The following KLHL22 variants were observed in gnomAD, a reference collection of about 807,000 sequenced individuals.
The protein encoded by KLHL22 is kelch like family member 22, also known as kelch-like protein 22.
Under a neutral mutation model 60.7 loss-of-function variants are expected in KLHL22, and 18 were observed. That is an observed-to-expected ratio of 0.30 (90% CI 0.20 to 0.44). The LOEUF is 0.44. Ranked by LOEUF, KLHL22 falls within the 20% of genes least tolerant of loss-of-function variation. The probability of loss-of-function intolerance (pLI) is 1.00; values close to 1 mark genes in which losing one functional copy is unlikely to be tolerated. For synonymous variants in KLHL22, 355 were observed against 354.5 expected (o/e 1.00, Z -0.01); for missense variants, 596 against 852.3 (o/e 0.70, Z 3.74).
intron 2 of KLHL22, 98 bp from the exon 3 acceptor site, chr22:20,471,613 T>C: frequency 7.6e-7 from 1 of 1,324,494 alleles, no homozygotes; most frequent in Non-Finnish European, 1.1e-6. Flanking sequence ...CTGGCGCTGG[T>C]GGCAGGGCCC....
chr22:20,479,373 T>TA (rs926955588), intron 2 of KLHL22, among the ~76,000 whole-genome samples: 2 of 152,080 alleles, frequency 1.3e-5, no homozygotes, highest in African/African-American at 4.8e-5. Context: ...ATGACCACTA[T>TA]AAAAAAACAA....
chr22:20,451,505 G>A (rs182558975), intron 5 of KLHL22: 132 of 1,597,966 alleles, frequency 8.3e-5, no homozygotes, highest in Middle Eastern at 1.9e-4. Flanking sequence ...GCCACCAAGC[G>A]TTCTGGTGCA....
intron 1 of KLHL22, among the ~76,000 whole-genome samples, chr22:20,494,162 G>GGATCACCT (rs1333775785): frequency 6.6e-6 from 1 of 151,954 alleles, no homozygotes; most frequent in Non-Finnish European, 1.5e-5. Context: ...CCAGGTAGGT[G>GGATCACCT]GAGTTCAAGA....
At chr22:20,472,554 C>T (rs927478066) in intron 2 of KLHL22, among the ~76,000 whole-genome samples, 13 of 152,092 alleles carry the variant, frequency 8.5e-5, no homozygotes, top group Non-Finnish European at 1.3e-4. Flanking sequence ...GGTGAAACCC[C>T]GTCTCTACTA....
intron 2 of KLHL22, among the ~76,000 whole-genome samples, chr22:20,478,501 CTTAA>C (rs1015177669): frequency 1.6e-5 from 2 of 125,948 alleles, no homozygotes; most frequent in Non-Finnish European, 3.3e-5. Context: ...CCGCCCCAAA[CTTAA>C]TTCTTTTTTT....
chr22:20,446,259 G>T (rs2052857735), intron 6 of KLHL22, among the ~76,000 whole-genome samples, 184 bp downstream of exon 6: 1 of 152,286 alleles, frequency 6.6e-6, no homozygotes, highest in South Asian at 2.1e-4. Context: ...GAGGCTATAT[G>T]TGTATGGGGG....
At chr22:20,466,769 C>A (rs1279570009) in intron 3 of KLHL22, among the ~76,000 whole-genome samples, 1 of 152,188 alleles carries the variant, frequency 6.6e-6, no homozygotes, top group African/African-American at 2.4e-5. Flanking sequence ...TCAAGTGATC[C>A]CTGACTCAGG....
At chr22:20,485,965 G>A (rs1174671129) in intron 2 of KLHL22, among the ~76,000 whole-genome samples, 5 of 151,716 alleles carry the variant, frequency 3.3e-5, no homozygotes, top group Admixed American at 6.6e-5. Context: ...TCAGGAGTTC[G>A]AGATCAGCCT....
At chr22:20,494,248 G>A (rs2053735923) in intron 1 of KLHL22, among the ~76,000 whole-genome samples, 1 of 152,180 alleles carries the variant, frequency 6.6e-6, no homozygotes, top group Admixed American at 6.5e-5. Context: ...GTGTACACCT[G>A]TAGTCCTGGC....
At chr22:20,456,139 C>CA (rs2053059201) in intron 5 of KLHL22, 4 of 152,206 alleles carry the variant, frequency 2.6e-5, no homozygotes, top group African/African-American at 9.7e-5. Context: ...GGACATTCCC[C>CA]AAAAAGTCCC....
In KLHL22 at chr22:20,442,418, C is replaced by A. The variant is rs757085456; in HGVS notation, c.1560G>T (p.Thr520=). The change falls in exon 7 of 7, where the codon ACG becomes ACT. Residue 520 remains threonine, a synonymous_variant. Transcript: ENST00000328879. ...DVHQVACYSC[T]SGQWSSVCPL... ...GGCAGACAGATGACCACTGTCCAGA[C>A]GTGCAGCTGTAGCAGGCCACCTGCA... 6.9e-6 allele frequency: 11 copies of A among 1,600,022 alleles called. No individual in the cohort carries two copies. In the African/African-American group the frequency reaches 1.5e-4, roughly 21 times the overall value.
chr22:20,450,631 A>G lies in KLHL22; in HGVS notation c.1306-3955T>C. ...TGAAGTGGTACAGCATGAAGAGTTC[A>G]TTCTTCTGAGGCAAGGAGAGGTGGA... On this transcript the variant is annotated intron_variant, in intron 5 of 6. Coordinates refer to ENST00000328879, the MANE Select transcript of KLHL22 (RefSeq NM_032775.4). 5 of 1,589,802 alleles carry G rather than the reference A, an allele frequency of 3.1e-6. No individual in the cohort carries two copies. In the South Asian group the frequency reaches 5.5e-5, roughly 18 times the overall value.
rs1461206550 is a variant in KLHL22 at position 20,465,134 on chromosome 22, T to G, written c.836A>C (p.Asn279Thr). 3 of 1,613,840 alleles carry G rather than the reference T, an allele frequency of 1.9e-6. No individual in the cohort carries two copies. In the Admixed American group the frequency reaches 5.0e-5, roughly 27 times the overall value. The change falls in exon 4 of 7, where the codon AAC becomes ACC. Residue 279 changes from asparagine (N) to threonine (T), a missense_variant. By Grantham distance (65) the Asn-to-Thr change is moderately conservative. Transcript: ENST00000328879. This position sits in a 1 kb window ranked among gnomAD's most constrained non-coding sequence, Gnocchi z 4.9. ...CTGCAGGCTGGGCTGTAGGCTCTCGTTCCGGTGGTACATGAGGGCGCTGGC... is the reference window on the plus strand; with the variant it reads ...CTGCAGGCTGGGCTGTAGGCTCTCGGTCCGGTGGTACATGAGGGCGCTGGC... ...TVASALMYHR[N>T]ESLQPSLQSP...
At chr22:20,449,715 G>A (rs975507373) in intron 5 of KLHL22, among the ~76,000 whole-genome samples, 30 of 152,190 alleles carry the variant, frequency 2.0e-4, no homozygotes, top group Admixed American at 1.2e-3. Flanking sequence ...CGTTTATTGA[G>A]TTTTAAGAGT....
At chr22:20,483,368 T>C (rs1368595751) in intron 2 of KLHL22, 3 of 761,380 alleles carry the variant, frequency 3.9e-6, no homozygotes, top group Non-Finnish European at 7.2e-6. Flanking sequence ...GCCACGATCT[T>C]GGCAAGGTCC....
chr22:20,461,597 T>TAAGA (rs2053157041), intron 4 of KLHL22, among the ~76,000 whole-genome samples: 1 of 151,112 alleles, frequency 6.6e-6, no homozygotes, highest in Non-Finnish European at 1.5e-5. Flanking sequence ...GTTTTTCTTC[T>TAAGA]ATATTTCCAT....
chr22:20,488,222 G>C (rs892297801), intron 2 of KLHL22, among the ~76,000 whole-genome samples: 1 of 152,150 alleles, frequency 6.6e-6, no homozygotes, highest in African/African-American at 2.4e-5. Context: ...AGCTAGAATG[G>C]AACACCTCAG....
At chr22:20,468,468 A>G (rs1297634372) in intron 3 of KLHL22, among the ~76,000 whole-genome samples, 1 of 152,230 alleles carries the variant, frequency 6.6e-6, no homozygotes, top group East Asian at 1.9e-4. Flanking sequence ...CCAATAGGAC[A>G]GTGTTACTGG....
At chr22:20,474,593 C>T (rs971685319) in intron 2 of KLHL22, among the ~76,000 whole-genome samples, 5 of 151,946 alleles carry the variant, frequency 3.3e-5, no homozygotes, top group Middle Eastern at 3.4e-3. Flanking sequence ...GGTTTCACCA[C>T]GTTGGCCAGG....
Sources: gnomAD v4.1 joint callset for allele counts (sites outside exome capture counted in the v4.1 genomes callset) on GRCh38, gnomAD v4.1.1 for gene constraint, Gnocchi (gnomAD v3.1) non-coding constraint, MANE v1.5 for transcripts, NCBI Gene and HGNC (gene_info 2026-07-23, HGNC 2026-07-21) for gene names.